Variants in ARHGEF3 observed in about 807,000 individuals in gnomAD.
ARHGEF3 encodes the protein Rho guanine nucleotide exchange factor 3, also known as 59.8 kDA protein.
In ARHGEF3, 28 loss-of-function variants were observed where a neutral mutation model predicts 63.2. That is an observed-to-expected ratio of 0.44 (90% CI 0.33 to 0.61). The LOEUF (loss-of-function observed/expected upper bound fraction) is 0.61. ARHGEF3 is among the 20% of genes least tolerant of loss of function. ARHGEF3 has a pLI of 0.03. For synonymous variants in ARHGEF3, 266 were observed against 254.2 expected (o/e 1.05, Z -0.44); for missense variants, 533 against 659.3 (o/e 0.81, Z 2.10).
At chr3:56,875,985 A>G (rs991937797) in intron 4 of ARHGEF3, among the ~76,000 whole-genome samples, 1 of 152,104 alleles carries the variant, frequency 6.6e-6, no homozygotes, top group African/African-American at 2.4e-5. Flanking sequence ...GAGAGGTATA[A>G]AGGAATCCTG....
rs1232065559 is a variant in ARHGEF3, at chr3:56,968,341, AAT to A, written c.63-9454_63-9453del. On this transcript the variant is annotated intron_variant, in intron 2 of 12. Coordinates refer to the ARHGEF3 transcript ENST00000338458. ...TATATTTTATATATATATAATATATAATATATATATTTTTTGAGACATGGTCT... is the reference window on the plus strand; with the variant it reads ...TATATTTTATATATATATAATATATAATATATATTTTTTGAGACATGGTCT... 1.4e-3 allele frequency among the ~76,000 whole-genome samples: 144 copies of A among 101,886 alleles called. 5 individuals are homozygous for A. The highest frequency in any genetic ancestry group is 2.4e-3 in the Non-Finnish European group (131 of 53,580). 66.8% of individuals were successfully genotyped at this position (101,886 alleles called of 152,430 possible).
At chr3:56,825,293 G>A (rs567764129) in intron 4 of ARHGEF3, among the ~76,000 whole-genome samples, 5 of 152,332 alleles carry the variant, frequency 3.3e-5, no homozygotes, top group South Asian at 4.1e-4. Flanking sequence ...TGCACTCCAC[G>A]CCACATTCTT....
At chr3:56,954,205 C>T (rs530632250) in intron 3 of ARHGEF3, among the ~76,000 whole-genome samples, 1 of 152,284 alleles carries the variant, frequency 6.6e-6, no homozygotes, top group African/African-American at 2.4e-5. Context: ...CCTTTCACAG[C>T]AGGTCCTGGT....
intron 2 of ARHGEF3, among the ~76,000 whole-genome samples, chr3:57,023,101 T>C (rs769858300): frequency 6.6e-6 from 1 of 152,202 alleles, no homozygotes; most frequent in Non-Finnish European, 1.5e-5. Context: ...ACTTCACACA[T>C]CTGTTTATGG....
intron 3 of ARHGEF3, among the ~76,000 whole-genome samples, chr3:56,912,037 A>G (rs1213572601): frequency 6.6e-6 from 1 of 152,084 alleles, no homozygotes; most frequent in Non-Finnish European, 1.5e-5. Context: ...CTAGTCAGCC[A>G]ATTACATTTT....
intron 1 of ARHGEF3, among the ~76,000 whole-genome samples, chr3:57,069,228 G>A (rs1033667810): frequency 2.0e-5 from 3 of 152,092 alleles, no homozygotes; most frequent in African/African-American, 7.2e-5. Flanking sequence ...GCCTAGATCT[G>A]AGATTTTGAA....
chr3:56,933,369 T>C (rs141030279), intron 3 of ARHGEF3, among the ~76,000 whole-genome samples: 38 of 152,026 alleles, frequency 2.5e-4, no homozygotes, highest in African/African-American at 7.9e-4. Context: ...TTGATCACTC[T>C]ATAAAATGGA....
intron 2 of ARHGEF3, among the ~76,000 whole-genome samples, chr3:56,758,879 C>T (rs1290245444): frequency 6.6e-6 from 1 of 152,134 alleles, no homozygotes; most frequent in Non-Finnish European, 1.5e-5. Context: ...AATTAAAGAG[C>T]AGAAAGAAAG....
At chr3:56,900,361 G>A (rs1474369885) in intron 3 of ARHGEF3, among the ~76,000 whole-genome samples, 2 of 152,232 alleles carry the variant, frequency 1.3e-5, no homozygotes, top group African/African-American at 2.4e-5. Flanking sequence ...TTGGCTGGGT[G>A]TGGTGGCTCA....
At position 56,745,446 on chromosome 3, in the gene ARHGEF3, G is replaced by A. The variant is rs1578396331; in HGVS notation, c.629C>T (p.Ser210Phe). Residue 210 changes from serine (S) to phenylalanine (F), a missense_variant, in exon 7 of 10, where the codon TCC (serine) becomes TTC (phenylalanine). Physicochemically the swap from Ser to Phe is radical, Grantham distance 155. Transcript: ENST00000296315. The stretch of plus-strand genomic sequence containing the variant: ...TTGATTGCTGCAGTAGCTATCATAG[G>A]AGCTGAGGCAAGGGAGCTAAGAAGG... Reference protein sequence around the residue: ...ILVGWLPCLSSYDSYCSNQVA... With the variant: ...ILVGWLPCLSFYDSYCSNQVA... The A allele has an allele frequency of 6.2e-7, 1 of 1,613,960 alleles. No homozygotes were observed. The highest frequency in any genetic ancestry group is 2.2e-5 in the East Asian group (1 of 44,884).
At chr3:56,792,293 A>T (rs2037129170) in intron 1 of ARHGEF3, among the ~76,000 whole-genome samples, 1 of 152,278 alleles carries the variant, frequency 6.6e-6, no homozygotes, top group African/African-American at 2.4e-5. Context: ...ATTGGTTATA[A>T]TGAGTATATA....
chr3:57,040,474 C>CAAAGGAAAAGAAAAG (rs374272554), intron 1 of ARHGEF3, among the ~76,000 whole-genome samples: 1 of 144,524 alleles, frequency 6.9e-6, no homozygotes, highest in African/African-American at 2.7e-5. Context: ...AAGACTCCGT[C>CAAAGGAAAAGAAAAG]AAAAGAAAAG....
chr3:56,996,888 TTA>T (rs1489595444), intron 2 of ARHGEF3, among the ~76,000 whole-genome samples: 19 of 98,448 alleles, frequency 1.9e-4, no homozygotes, highest in African/African-American at 6.2e-4. Flanking sequence ...ATTATTATTA[TTA>T]TTTTTTTTTT....
At chr3:56,877,745 A>G (rs1021307186) in intron 4 of ARHGEF3, among the ~76,000 whole-genome samples, 2 of 152,202 alleles carry the variant, frequency 1.3e-5, no homozygotes, top group African/African-American at 2.4e-5. Flanking sequence ...CTTTAGGGAT[A>G]CATGTCCATA....
intron 2 of ARHGEF3, among the ~76,000 whole-genome samples, chr3:57,014,313 TC>T: frequency 6.6e-6 from 1 of 152,230 alleles, no homozygotes; most frequent in South Asian, 2.1e-4. Context: ...GTCAGTGAGA[TC>T]AAGAACACAC....
intron 3 of ARHGEF3, among the ~76,000 whole-genome samples, chr3:56,943,382 A>G (rs1438776807): frequency 1.3e-5 from 2 of 152,250 alleles, no homozygotes; most frequent in African/African-American, 2.4e-5. Context: ...GGATGGCAGC[A>G]CATCTGTTTG....
chr3:57,039,831 T>C (rs1704105356), intron 1 of ARHGEF3, among the ~76,000 whole-genome samples: 1 of 152,138 alleles, frequency 6.6e-6, no homozygotes, highest in South Asian at 2.1e-4. Flanking sequence ...CACTGGCCCC[T>C]CAAGGATGAT....
At chr3:57,013,058 G>C (rs1486411641) in intron 2 of ARHGEF3, among the ~76,000 whole-genome samples, 5 of 152,180 alleles carry the variant, frequency 3.3e-5, no homozygotes, top group Non-Finnish European at 7.4e-5. Context: ...CGGCCGGCCT[G>C]CCTGCGCCAC....
chr3:56,840,127 T>C (rs2039262344), intron 4 of ARHGEF3, among the ~76,000 whole-genome samples: 1 of 152,190 alleles, frequency 6.6e-6, no homozygotes, highest in Admixed American at 6.5e-5. Context: ...ACAAATAACT[T>C]GCTTTTTAAG....
Sources: gnomAD v4.1 joint callset for allele counts (sites outside exome capture counted in the v4.1 genomes callset) on GRCh38, gnomAD v4.1.1 for gene constraint, MANE v1.5 for transcripts, NCBI Gene and HGNC (gene_info 2026-07-23, HGNC 2026-07-21) for gene names.